The following SPTBN1 variants were observed in gnomAD, a reference collection of about 807,000 sequenced individuals.
SPTBN1 encodes the protein spectrin beta chain, non-erythrocytic 1.
In SPTBN1, 32 loss-of-function variants were observed where a neutral mutation model predicts 266.4. The observed-to-expected ratio is 0.12, with a 90% CI of 0.09 to 0.16. SPTBN1 has a LOEUF of 0.16. SPTBN1 is among the 10% of genes least tolerant of loss of function. The pLI, the probability that SPTBN1 is intolerant of heterozygous loss-of-function variation, is 1.00. For missense variants in SPTBN1, 2,296 were observed against 3,067.1 expected (o/e 0.75, Z 5.94); for synonymous variants, 1,336 against 1,162.2 (o/e 1.15, Z -3.04).
chr2:54,503,416 C>T (rs1219306007), intron 1 of SPTBN1, among the ~76,000 whole-genome samples: 1 of 152,186 alleles, frequency 6.6e-6, no homozygotes, highest in Non-Finnish European at 1.5e-5. Context: ...GTCTGTTCTC[C>T]TGCAGGCCCA....
chr2:54,465,666 A>C (rs187227656), intron 1 of SPTBN1, among the ~76,000 whole-genome samples: 23 of 137,808 alleles, frequency 1.7e-4, no homozygotes, highest in East Asian at 1.3e-3. Context: ...ATATATATAT[A>C]TATCTCACAC....
chr2:54,654,951 AAGACCATCAGTTTCTTTC>A, intron 27 of SPTBN1, 101 bp from the exon 28 acceptor site: 1 of 1,270,112 alleles, frequency 7.9e-7, no homozygotes, highest in Non-Finnish European at 1.1e-6. Context: ...TCAGACCTGA[AAGACCATCAGTTTCTTTC>A]AAGGCCATCA....
At chr2:54,667,755 T>C in intron 35 of SPTBN1, 109 bp downstream of exon 35, 1 of 982,664 alleles carries the variant, frequency 1.0e-6, no homozygotes, top group Non-Finnish European at 1.6e-6. Flanking sequence ...TCAGTGATGG[T>C]TTCTATCACT....
chr2:54,456,806 G>A (rs1264687363), intron 1 of SPTBN1, among the ~76,000 whole-genome samples: 2 of 150,878 alleles, frequency 1.3e-5, no homozygotes, highest in African/African-American at 4.8e-5. Context: ...CGTGCGCACC[G>A]CTGCCGTCCG....
chr2:54,646,528 C>T lies in SPTBN1; in HGVS notation c.4866+53C>T. On this transcript the variant is annotated intron_variant, in intron 23 of 35. Coordinates refer to ENST00000356805, the MANE Select transcript of SPTBN1 (RefSeq NM_003128.3). The surrounding 1 kb of genome is among the most constrained non-coding windows in gnomAD (Gnocchi z 4.4). ...CCCAGGAGAGCCTCAGATTCAAACC[C>T]TGGGCACACTTTCTGCTGGCGGCTC... is the stretch of plus-strand genomic sequence containing the variant. 2 of 1,437,792 alleles carry T rather than the reference C, an allele frequency of 1.4e-6. No individual in the cohort carries two copies. The highest frequency in any genetic ancestry group is 1.8e-6 in the Non-Finnish European group (2 of 1,095,150). 89.1% of individuals were successfully genotyped at this position (1,437,792 alleles called of 1,614,324 possible). A position where few individuals can be genotyped will look rare whatever the true frequency, so the allele number is the denominator to read the frequency against.
chr2:54,584,863 G>A (rs957061380), intron 2 of SPTBN1, among the ~76,000 whole-genome samples: 1 of 152,082 alleles, frequency 6.6e-6, no homozygotes, highest in Admixed American at 6.6e-5. Context: ...ACTACAAACA[G>A]CCAGGTCCCC....
intron 2 of SPTBN1, among the ~76,000 whole-genome samples, chr2:54,550,113 TAAAGC>T (rs1184765777): frequency 6.6e-6 from 1 of 152,158 alleles, no homozygotes; most frequent in African/African-American, 2.4e-5. Flanking sequence ...AATGGGGAGA[TAAAGC>T]AAAGAGGGAA....
intron 3 of SPTBN1, among the ~76,000 whole-genome samples, chr2:54,606,732 T>A (rs1165737598): frequency 2.0e-5 from 3 of 152,204 alleles, no homozygotes; most frequent in Non-Finnish European, 4.4e-5. Flanking sequence ...CTGTGACTGC[T>A]GGCGGGGAGA....
In SPTBN1 at chr2:54,549,076, A is replaced by T. The variant is rs193080738; in HGVS notation, c.148+22510A>T. ...AGCACTTTGGGAGGCCAAGAAGGGT[A>T]GATCACTTGAGGTCAGAAGCCTGGC... On this transcript the variant is annotated intron_variant, in intron 2 of 35. Transcript: ENST00000356805. Among the ~76,000 whole-genome samples, 340 of 152,244 alleles carry T rather than the reference A, an allele frequency of 2.2e-3. 1 individual carries two copies. The highest frequency in any genetic ancestry group is 3.5e-3 in the Non-Finnish European group (241 of 68,018).
intron 2 of SPTBN1, among the ~76,000 whole-genome samples, chr2:54,598,552 G>T (rs1011359773): frequency 1.3e-5 from 2 of 152,272 alleles, no homozygotes; most frequent in African/African-American, 4.8e-5. Flanking sequence ...GTCCAGTGTT[G>T]CCCAATCCTT....
intron 4 of SPTBN1, among the ~76,000 whole-genome samples, chr2:54,613,835 A>G (rs1261581695): frequency 6.6e-6 from 1 of 152,230 alleles, no homozygotes; most frequent in Non-Finnish European, 1.5e-5. Context: ...TATTAGCAGT[A>G]CACTCCTCTA....
chr2:54,602,982 T>C (rs1157505148), intron 3 of SPTBN1, among the ~76,000 whole-genome samples: 1 of 152,222 alleles, frequency 6.6e-6, no homozygotes, highest in Non-Finnish European at 1.5e-5. Context: ...GAATTTACTT[T>C]TGTTTTAAAC....
rs192039269 is a variant in SPTBN1, at chr2:54,560,625, G to A, written c.148+34059G>A. Among the ~76,000 whole-genome samples the A allele has an allele frequency of 4.3e-4, 65 of 152,316 alleles. 1 individual carries two copies. In the East Asian group the frequency reaches 0.012, roughly 27 times the overall value. On this transcript the variant is annotated intron_variant, in intron 2 of 35. Transcript: ENST00000356805. The stretch of plus-strand genomic sequence containing the variant: ...GTTTCTCAAGGAAATCCCTTCGAAA[G>A]GGGTAAGCTTCGTGTTTTGTGTGGT...
chr2:54,543,491 C>G (rs1398086496), intron 2 of SPTBN1, among the ~76,000 whole-genome samples: 1 of 152,006 alleles, frequency 6.6e-6, no homozygotes, highest in Non-Finnish European at 1.5e-5. Flanking sequence ...GATGGCCTGA[C>G]GACACTGGGG....
At position 54,647,244 on chromosome 2, in the gene SPTBN1, C is replaced by G; in HGVS notation, c.4980C>G (p.Ala1660=). The change falls in exon 24 of 36, where the codon GCC becomes GCG. Residue 1660 remains alanine (A), a synonymous_variant. Coordinates refer to ENST00000356805, the MANE Select transcript of SPTBN1 (RefSeq NM_003128.3). ...QLSKTSRALV[A]DSHPESERIS... ...CCAAGACCAGCCGGGCCCTGGTGGC[C>G]GACAGCCATCCTGAAAGGTGAGCGC... 1 of 1,613,842 alleles carries G rather than the reference C, an allele frequency of 6.2e-7. No homozygotes were observed. Among genetic ancestry groups the G allele is most frequent in the Non-Finnish European group, 8.5e-7 (1 of 1,180,022 alleles).
chr2:54,627,600 A>G (rs1678438913), intron 12 of SPTBN1, among the ~76,000 whole-genome samples: 1 of 152,234 alleles, frequency 6.6e-6, no homozygotes, highest in Non-Finnish European at 1.5e-5. Flanking sequence ...CTCCTAACAG[A>G]GGAAAAACAT....
chr2:54,621,308 A>T (rs1222328721), intron 7 of SPTBN1, 92 bp from the exon 8 acceptor site: 1 of 854,112 alleles, frequency 1.2e-6, no homozygotes, highest in Non-Finnish European at 1.9e-6. Flanking sequence ...GAACTGTTCC[A>T]TGTTGACCAG....
chr2:54,470,055 G>T (rs549973166), intron 1 of SPTBN1, among the ~76,000 whole-genome samples: 1 of 152,302 alleles, frequency 6.6e-6, no homozygotes, highest in African/African-American at 2.4e-5. Flanking sequence ...GAGTTTCCCT[G>T]ATAATCAGGA....
chr2:54,626,079 A>G lies in SPTBN1; in HGVS notation c.1489A>G (p.Lys497Glu). The G allele has an allele frequency of 6.2e-7, 1 of 1,614,130 alleles. No homozygotes were observed. Among genetic ancestry groups the G allele is most frequent in the Non-Finnish European group, 8.5e-7 (1 of 1,180,032 alleles). Residue 497 changes from lysine to glutamate, a missense_variant, in exon 12 of 36, where the codon AAG (lysine) becomes GAG (glutamate). Around this residue, in one of 12 missense-constraint regions of SPTBN1, gnomAD observed 434 missense variants for 573.9 expected, o/e 0.76. Coordinates refer to ENST00000356805, the MANE Select transcript of SPTBN1 (RefSeq NM_003128.3). The surrounding 1 kb of genome is among the most constrained non-coding windows in gnomAD (Gnocchi z 4.7). ...ELEAENYHDI[K>E]RITARKDNVI... ...CGAGGCCGAGAATTACCACGACATC[A>G]AGCGCATCACAGCGAGGAAGGACAA... is the stretch of plus-strand genomic sequence containing the variant.
Sources: allele counts gnomAD v4.1 joint callset (sites outside exome capture counted in the v4.1 genomes callset), GRCh38; gene constraint gnomAD v4.1.1; regional missense constraint gnomAD v4.1.1; non-coding constraint Gnocchi (gnomAD v3.1); transcripts MANE v1.5; gene names NCBI Gene and HGNC (gene_info 2026-07-23, HGNC 2026-07-21).